Variants in TBCK observed in about 807,000 individuals in gnomAD.
The protein encoded by TBCK is TBC domain-containing protein kinase-like protein.
In TBCK, 99 loss-of-function variants were observed where a neutral mutation model predicts 113.4. The ratio of observed to expected loss-of-function variants is 0.87; its 90% CI spans 0.74 to 1.03. TBCK has a LOEUF of 1.03. Among genes scored for constraint, TBCK ranks in the 50% least tolerant of loss-of-function variants. TBCK has a pLI of 0.00. For missense variants in TBCK, 1,045 were observed against 1,061.3 expected, an observed-to-expected ratio of 0.98 and a Z score of 0.21; for synonymous variants, 369 against 370.8, an observed-to-expected ratio of 1.00 and a Z score of 0.05.
At chr4:106,149,302 C>A (rs1748206910) in intron 23 of TBCK, among the ~76,000 whole-genome samples, 1 of 152,182 alleles carries the variant, frequency 6.6e-6, no homozygotes, top group South Asian at 2.1e-4. Flanking sequence ...TTTTCCTTTG[C>A]ATCACAATTT....
chr4:106,308,124 TCCCTGAAA>T (rs1384540358), intron 2 of TBCK, among the ~76,000 whole-genome samples: 1 of 152,152 alleles, frequency 6.6e-6, no homozygotes, highest in Admixed American at 6.5e-5. Flanking sequence ...ATAGACGGTT[TCCCTGAAA>T]AAGAAAATTA....
intron 3 of TBCK, among the ~76,000 whole-genome samples, chr4:106,273,450 A>G (rs72876575): frequency 0.2 from 30,426 of 152,130 alleles, 3,199 homozygotes; most frequent in African/African-American, 0.27. Context: ...TAGAGTATGT[A>G]TCTTTTGTTT....
At chr4:106,283,587 C>T (rs562145612) in intron 3 of TBCK, among the ~76,000 whole-genome samples, 1 of 151,982 alleles carries the variant, frequency 6.6e-6, no homozygotes, top group Non-Finnish European at 1.5e-5. Context: ...TCACTCTCCT[C>T]AATGTGTATT....
chr4:106,138,924 G>A (rs1003945612), intron 23 of TBCK, among the ~76,000 whole-genome samples: 3 of 141,022 alleles, frequency 2.1e-5, no homozygotes, highest in African/African-American at 7.5e-5. Flanking sequence ...TGGAGTTTCA[G>A]TGAGTAGAGT....
intron 6 of TBCK, among the ~76,000 whole-genome samples, chr4:106,250,706 G>T (rs1761333399): frequency 6.6e-6 from 1 of 151,848 alleles, no homozygotes; most frequent in Admixed American, 6.6e-5. Context: ...ACATCTAAGG[G>T]TCATTACATT....
chr4:106,207,895 C>A (rs776801274), intron 20 of TBCK, among the ~76,000 whole-genome samples: 27 of 152,198 alleles, frequency 1.8e-4, no homozygotes, highest in Non-Finnish European at 3.1e-4. Context: ...CCCCTCATTT[C>A]TTTCTGTTTA....
At chr4:106,158,509 T>G (rs1749379199) in intron 23 of TBCK, among the ~76,000 whole-genome samples, 1 of 152,152 alleles carries the variant, frequency 6.6e-6, no homozygotes, top group Non-Finnish European at 1.5e-5. Flanking sequence ...TGACTAAATT[T>G]GGAAGGTAAG....
Position 106,082,722 on chromosome 4 carries a change from A to G in TBCK, c.2571+12760T>C, listed in dbSNP as rs138080700. 3.3e-4 allele frequency among the ~76,000 whole-genome samples: 50 copies of G among 152,338 alleles called. No homozygotes were observed. In the East Asian group the frequency reaches 9.1e-3, roughly 28 times the overall value. On this transcript the variant is annotated intron_variant, in intron 25 of 25. Coordinates refer to ENST00000394708, the MANE Select transcript of TBCK (RefSeq NM_001163435.3). ...GCATTCCGAGGCTCGCATAGGAAAG[A>G]AACCATAATAAGCCTGTGAATCCTT...
intron 10 of TBCK, among the ~76,000 whole-genome samples, 199 bp downstream of exon 10, chr4:106,246,940 C>T (rs771927280): frequency 1.2e-4 from 19 of 152,070 alleles, no homozygotes; most frequent in Admixed American, 3.3e-4. Flanking sequence ...CCTCTTTGAC[C>T]TCCCAAAGTG....
chr4:106,194,354 G>A lies in TBCK; in HGVS notation c.1897+364C>T, dbSNP rs150972219. ...ATTCACATAATCTGCTTAATTTCTA[G>A]AGGAATCCTAGTTTAAAAAATAAAA... is the stretch of plus-strand genomic sequence containing the variant. On this transcript the variant is annotated intron_variant, in intron 21 of 25. Transcript: ENST00000394708. Among the ~76,000 whole-genome samples, 1,451 of 152,044 alleles carry A rather than the reference G, an allele frequency of 9.5e-3. 21 individuals carry two copies. The highest frequency in any genetic ancestry group is 0.033 in the African/African-American group (1,384 of 41,484).
At chr4:106,312,501 T>G (rs73839422) in intron 1 of TBCK, among the ~76,000 whole-genome samples, 2 of 152,070 alleles carry the variant, frequency 1.3e-5, no homozygotes, top group Non-Finnish European at 1.5e-5. Flanking sequence ...ATATTGCTAG[T>G]GGGAGCGTAA....
At chr4:106,083,117 G>A (rs557071127) in intron 25 of TBCK, among the ~76,000 whole-genome samples, 2 of 152,356 alleles carry the variant, frequency 1.3e-5, no homozygotes, top group South Asian at 4.1e-4. Flanking sequence ...TGCTGTCTAA[G>A]CCATTTGAGC....
At chr4:106,242,626 T>C (rs752148848) in intron 11 of TBCK, 57 bp from the exon 12 acceptor site, 51 of 1,272,084 alleles carry the variant, frequency 4.0e-5, no homozygotes, top group Non-Finnish European at 5.0e-5. Context: ...TTGTTTCTTC[T>C]AGAAAGTAAA....
intron 23 of TBCK, among the ~76,000 whole-genome samples, chr4:106,158,742 C>T (rs1749405519): frequency 6.6e-6 from 1 of 152,068 alleles, no homozygotes; most frequent in Admixed American, 6.6e-5. Flanking sequence ...ACAAATCCTT[C>T]TCAAACTTTT....
Position 106,171,144 on chromosome 4 carries a change from G to C in TBCK, c.2186C>G (p.Ser729Trp), listed in dbSNP as rs766412998. 17 of 1,612,492 alleles carry C rather than the reference G, an allele frequency of 1.1e-5. No homozygotes were observed. Among genetic ancestry groups the C allele is most frequent in the Middle Eastern group, 1.6e-4 (1 of 6,066 alleles). Reference sequence around the variant, plus strand: ...ACACTCAGCAGAGAAATAAGGTGCCGAACTTCTGCCTCCACTGCTGTCAGA... The same window carrying C: ...ACACTCAGCAGAGAAATAAGGTGCCCAACTTCTGCCTCCACTGCTGTCAGA... ...PSSDSSGGRSSAPYFSAECPD... is the reference protein window; with the variant it reads ...PSSDSSGGRSWAPYFSAECPD... Residue 729 changes from serine to tryptophan, a missense_variant, in exon 23 of 26, where the codon TCG becomes TGG. By Grantham distance (177) the Ser-to-Trp change is radical. Transcript: ENST00000394708.
intron 23 of TBCK, among the ~76,000 whole-genome samples, chr4:106,170,266 A>G (rs1750836129): frequency 6.6e-6 from 1 of 152,136 alleles, no homozygotes; most frequent in South Asian, 2.1e-4. Context: ...ATATTTATTT[A>G]TAAGTGTGGG....
In TBCK at chr4:106,308,881, T is replaced by C. The variant is rs1767844084; in HGVS notation, c.80A>G (p.Asn27Ser). ...SALPHDVCGS[N>S]GLPLTPNSIK... ...GGAATTTGGTGTGAGAGGAAGTCCA[T>C]TGCTTCCACAAACATCATGTGGCAG... Residue 27 changes from asparagine to serine, a missense_variant, in exon 2 of 26, where the codon AAT becomes AGT. By Grantham distance (46) the Asn-to-Ser change is conservative (BLOSUM62 1). Transcript: ENST00000394708. 5 of 1,614,130 alleles carry C rather than the reference T, an allele frequency of 3.1e-6. No individual in the cohort carries two copies. Among genetic ancestry groups the C allele is most frequent in the Non-Finnish European group, 4.2e-6 (5 of 1,180,012 alleles).
At chr4:106,151,596 T>C (rs1375409075) in intron 23 of TBCK, among the ~76,000 whole-genome samples, 2 of 152,004 alleles carry the variant, frequency 1.3e-5, no homozygotes, top group Admixed American at 1.3e-4. Context: ...TTCTAAACAA[T>C]TTTAGAATTG....
chr4:106,311,623 C>A (rs1768206453), intron 1 of TBCK, among the ~76,000 whole-genome samples: 1 of 151,982 alleles, frequency 6.6e-6, no homozygotes. Flanking sequence ...GGGAAAAATT[C>A]ATAAAAAGCT....
Sources: gnomAD v4.1 joint callset for allele counts (sites outside exome capture counted in the v4.1 genomes callset) on GRCh38, gnomAD v4.1.1 for gene constraint, MANE v1.5 for transcripts, NCBI Gene and HGNC (gene_info 2026-07-23, HGNC 2026-07-21) for gene names.